DCLK1: variants seen among roughly 807,000 people sequenced by gnomAD.
DCLK1 encodes the protein doublecortin like kinase 1.
A neutral mutation model predicts 86.2 loss-of-function variants in DCLK1; 16 were observed. The observed-to-expected ratio is 0.19, with a 90% CI of 0.13 to 0.28. The LOEUF (loss-of-function observed/expected upper bound fraction) is 0.28. DCLK1 is among the 10% of genes least tolerant of loss of function. The pLI is 1.00. For missense variants in DCLK1, 590 were observed against 940.2 expected (o/e 0.63, Z 4.87); for synonymous variants, 369 against 370.5 (o/e 1.00, Z 0.05).
At chr13:35,800,453 C>T (rs191704695) in intron 15 of DCLK1, among the ~76,000 whole-genome samples, 3 of 152,288 alleles carry the variant, frequency 2.0e-5, no homozygotes, top group South Asian at 2.1e-4. Context: ...TGCTTACTGA[C>T]GATGGCTTTG....
intron 3 of DCLK1, among the ~76,000 whole-genome samples, chr13:36,054,236 C>T (rs1235683639): frequency 6.6e-6 from 1 of 152,144 alleles, no homozygotes; most frequent in African/African-American, 2.4e-5. Flanking sequence ...AGCAGTGACA[C>T]ATCATCAGTA....
At chr13:35,808,045 A>G (rs2087065195) in intron 14 of DCLK1, among the ~76,000 whole-genome samples, 179 bp downstream of exon 14, 1 of 152,240 alleles carries the variant, frequency 6.6e-6, no homozygotes, top group Non-Finnish European at 1.5e-5. Context: ...ACTTGTTGGG[A>G]TGTCTGGGAA....
intron 4 of DCLK1, among the ~76,000 whole-genome samples, chr13:35,944,993 C>T (rs917451360): frequency 6.6e-6 from 1 of 152,106 alleles, no homozygotes; most frequent in Non-Finnish European, 1.5e-5. Context: ...CCTCCGCCTC[C>T]CAGGCTCAAC....
At chr13:36,066,448 T>G (rs2153160332) in intron 3 of DCLK1, among the ~76,000 whole-genome samples, 1 of 152,334 alleles carries the variant, frequency 6.6e-6, no homozygotes. Flanking sequence ...AGATATTGTT[T>G]GAAGTAATCA....
At chr13:35,981,514 A>G (rs1040579479) in intron 3 of DCLK1, among the ~76,000 whole-genome samples, 1 of 152,080 alleles carries the variant, frequency 6.6e-6, no homozygotes, top group Admixed American at 6.5e-5. Context: ...TCCATGGTTT[A>G]CCTTAGGGTT....
intron 11 of DCLK1, among the ~76,000 whole-genome samples, chr13:35,817,082 G>A (rs937313434): frequency 1.3e-5 from 2 of 152,140 alleles, no homozygotes; most frequent in East Asian, 3.9e-4. Context: ...GTCTGATAAG[G>A]CTGTGCCATT....
intron 11 of DCLK1, among the ~76,000 whole-genome samples, chr13:35,813,654 A>T (rs1161761700): frequency 6.6e-6 from 1 of 152,008 alleles, no homozygotes; most frequent in Non-Finnish European, 1.5e-5. Context: ...ATTGAAATAC[A>T]TAGAACCATA....
At chr13:35,949,659 G>A (rs539269956) in intron 3 of DCLK1, among the ~76,000 whole-genome samples, 4 of 152,106 alleles carry the variant, frequency 2.6e-5, no homozygotes, top group East Asian at 1.9e-4. Context: ...CCTACTCATC[G>A]GTGTGTGCAT....
chr13:35,947,121 T>C (rs981292548), intron 4 of DCLK1, among the ~76,000 whole-genome samples: 1 of 152,204 alleles, frequency 6.6e-6, no homozygotes, highest in Non-Finnish European at 1.5e-5. Flanking sequence ...TAAGTGGTTA[T>C]AAATTAGACA....
chr13:35,981,426 C>G (rs764910924), intron 3 of DCLK1, among the ~76,000 whole-genome samples: 3 of 152,104 alleles, frequency 2.0e-5, no homozygotes, highest in Admixed American at 6.5e-5. Flanking sequence ...CAGCCTCCCC[C>G]ACTATCAACA....
intron 3 of DCLK1, among the ~76,000 whole-genome samples, chr13:36,036,243 G>A (rs1040454732): frequency 6.6e-6 from 1 of 152,176 alleles, no homozygotes; most frequent in African/African-American, 2.4e-5. Context: ...AAATATGACT[G>A]CAGAACTGCC....
At chr13:35,799,236 C>CTAGACTCCT (rs373917059) in intron 15 of DCLK1, among the ~76,000 whole-genome samples, 25,074 of 151,914 alleles carry the variant, frequency 0.17, 3,175 homozygotes, top group African/African-American at 0.35. Context: ...GGGCTTCAGG[C>CTAGACTCCT]TTGAGCCTCA....
chr13:35,985,835 T>C (rs1879875431), intron 3 of DCLK1, among the ~76,000 whole-genome samples: 1 of 152,210 alleles, frequency 6.6e-6, no homozygotes, highest in South Asian at 2.1e-4. Flanking sequence ...TTGATGCTTG[T>C]TCCCAAATTA....
At chr13:35,914,249 G>C (rs1400944729) in intron 4 of DCLK1, among the ~76,000 whole-genome samples, 2 of 150,632 alleles carry the variant, frequency 1.3e-5, no homozygotes, top group Non-Finnish European at 2.9e-5. Flanking sequence ...AGCTGGAGAG[G>C]TCGAGGCTGC....
intron 3 of DCLK1, among the ~76,000 whole-genome samples, chr13:36,045,168 ACTCAGACC>A (rs1465803895): frequency 6.7e-6 from 1 of 149,368 alleles, no homozygotes; most frequent in Non-Finnish European, 1.5e-5. Flanking sequence ...TATACCCAAC[ACTCAGACC>A]CTGCCATTAA....
chr13:35,811,596 G>A (rs1049074598), intron 11 of DCLK1, among the ~76,000 whole-genome samples: 1 of 152,148 alleles, frequency 6.6e-6, no homozygotes, highest in African/African-American at 2.4e-5. Flanking sequence ...CACTTTGGGA[G>A]GCCAAGGCAG....
chr13:35,778,196 A>G (rs1318176375), intron 16 of DCLK1, among the ~76,000 whole-genome samples: 1 of 152,224 alleles, frequency 6.6e-6, no homozygotes, highest in African/African-American at 2.4e-5. Context: ...TCCATTCTGC[A>G]CACAGCTGTC....
chr13:36,057,014 C>T (rs896654665), intron 3 of DCLK1, among the ~76,000 whole-genome samples: 31 of 151,160 alleles, frequency 2.1e-4, no homozygotes, highest in African/African-American at 6.3e-4. Flanking sequence ...TGTTTTAAAA[C>T]TACCACCAAG....
intron 3 of DCLK1, among the ~76,000 whole-genome samples, chr13:36,048,887 C>T (rs918675683): frequency 6.6e-6 from 1 of 152,132 alleles, no homozygotes; most frequent in Non-Finnish European, 1.5e-5. Context: ...GATTCTGGCT[C>T]CTTCCACTCT....
Sources: allele counts gnomAD v4.1 joint callset (sites outside exome capture counted in the v4.1 genomes callset), GRCh38; gene constraint gnomAD v4.1.1; transcripts MANE v1.5; gene names NCBI Gene and HGNC (gene_info 2026-07-23, HGNC 2026-07-21).